DCAF5: variants seen among roughly 807,000 people sequenced by gnomAD.
The protein encoded by DCAF5 is DDB1- and CUL4-associated factor 5.
DCAF5 carries 9 observed loss-of-function variants against 80.7 expected under a neutral mutation model. The observed-to-expected ratio is 0.11, with a 90% CI of 0.07 to 0.19. The LOEUF (loss-of-function observed/expected upper bound fraction) is 0.19. DCAF5 is among the 10% of genes least tolerant of loss of function. The probability of loss-of-function intolerance (pLI) is 1.00; values close to 1 mark genes in which losing one functional copy is unlikely to be tolerated. For missense variants in DCAF5, 842 were observed against 1,205.7 expected, an observed-to-expected ratio of 0.70 and a Z score of 4.47; for synonymous variants, 433 against 461.9, an observed-to-expected ratio of 0.94 and a Z score of 0.80.
chr14:69,119,049 A>T, intron 3 of DCAF5, 145 bp downstream of exon 3: 1 of 711,550 alleles, frequency 1.4e-6, no homozygotes, highest in Non-Finnish European at 2.2e-6. Flanking sequence ...ATTTCAAACT[A>T]TTGTAGGAAT....
intron 8 of DCAF5, among the ~76,000 whole-genome samples, chr14:69,062,031 A>G (rs2038234447): frequency 6.6e-6 from 1 of 152,232 alleles, no homozygotes; most frequent in African/African-American, 2.4e-5. Flanking sequence ...TTCTGAAAAG[A>G]GCATTTTAAA....
intron 8 of DCAF5, among the ~76,000 whole-genome samples, chr14:69,059,128 C>A (rs1228536572): frequency 1.3e-5 from 2 of 152,068 alleles, no homozygotes; most frequent in African/African-American, 4.8e-5. Context: ...ACTCTGTCAC[C>A]CATGCTGGAG....
chr14:69,150,212 G>A (rs1566795931), intron 1 of DCAF5, among the ~76,000 whole-genome samples: 1 of 152,104 alleles, frequency 6.6e-6, no homozygotes. Flanking sequence ...TAGATAAAAA[G>A]GAAACAGGAA....
chr14:69,072,772 T>G (rs1187911030), intron 7 of DCAF5, among the ~76,000 whole-genome samples: 2 of 152,004 alleles, frequency 1.3e-5, no homozygotes, highest in Non-Finnish European at 2.9e-5. Flanking sequence ...CAGAGCAAGA[T>G]GATGATCAAA....
rs534668660 is a variant in DCAF5, at chr14:69,152,009, C to G, written c.214+756G>C. 6.6e-6 allele frequency among the ~76,000 whole-genome samples: 1 copy of G among 152,320 alleles called. No homozygotes were observed. The highest frequency in any genetic ancestry group is 2.4e-5 in the African/African-American group (1 of 41,572). ...GTGCGGGGCGCCGGGCTCCCGCCAA[C>G]AAGTCTCCCGGGGGTCCCCCACCCT... On this transcript the variant is annotated intron_variant, in intron 1 of 8. Coordinates refer to ENST00000341516, the MANE Select transcript of DCAF5 (RefSeq NM_003861.3). The surrounding 1 kb of genome is among the most constrained non-coding windows in gnomAD (Gnocchi z 4.1).
intron 7 of DCAF5, among the ~76,000 whole-genome samples, chr14:69,071,047 C>T (rs960623423): frequency 1.3e-5 from 2 of 152,180 alleles, no homozygotes; most frequent in African/African-American, 2.4e-5. Context: ...ATCTGCCCCC[C>T]TCAGCCTCCC....
chr14:69,091,794 T>C lies in DCAF5; in HGVS notation c.759A>G (p.Arg253=), dbSNP rs2039540999. The change falls in exon 6 of 9, where the codon CGA becomes CGG. Residue 253 remains arginine, a synonymous_variant. Transcript: ENST00000341516. The part of the protein sequence containing the change: ...SNGTQLLALR[R]RLPPVLYDIH... ...TGTCATAGAGCACAGGGGGCAGGCG[T>C]CGCCTCAGGGCCAGGAGCTGGGTCC... 1 of 1,614,090 alleles carries C rather than the reference T, an allele frequency of 6.2e-7. No individual in the cohort carries two copies. Among genetic ancestry groups the C allele is most frequent in the South Asian group, 1.1e-5 (1 of 91,078 alleles).
At chr14:69,066,656 C>T (rs1323827569) in intron 7 of DCAF5, among the ~76,000 whole-genome samples, 3 of 152,170 alleles carry the variant, frequency 2.0e-5, no homozygotes, top group African/African-American at 7.2e-5. Flanking sequence ...GGGGAAAACA[C>T]CTTGCTCAAA....
At chr14:69,129,246 G>A (rs1373457688) in intron 1 of DCAF5, among the ~76,000 whole-genome samples, 1 of 152,136 alleles carries the variant, frequency 6.6e-6, no homozygotes, top group African/African-American at 2.4e-5. Flanking sequence ...CTGTGATGGG[G>A]CCTGCCTCTT....
At chr14:69,067,016 C>T (rs572798793) in intron 7 of DCAF5, among the ~76,000 whole-genome samples, 1 of 152,270 alleles carries the variant, frequency 6.6e-6, no homozygotes, top group Admixed American at 6.5e-5. Flanking sequence ...TACCACTTCC[C>T]GTCTTCCTCT....
intron 5 of DCAF5, among the ~76,000 whole-genome samples, chr14:69,112,628 C>CACACACACACACAT (rs2040412403): frequency 6.9e-6 from 1 of 144,776 alleles, no homozygotes; most frequent in African/African-American, 2.5e-5. Context: ...CACACACACA[C>CACACACACACACAT]AAATAACACA....
At chr14:69,084,892 C>G in intron 6 of DCAF5, 1 of 1,346,560 alleles carries the variant, frequency 7.4e-7, no homozygotes, top group African/African-American at 1.4e-5. Flanking sequence ...CTCCGGATGA[C>G]CCTAAGGAAT....
chr14:69,079,932 G>A (rs537235271), intron 6 of DCAF5, among the ~76,000 whole-genome samples: 20 of 152,234 alleles, frequency 1.3e-4, no homozygotes, highest in Admixed American at 3.9e-4. Flanking sequence ...GGGGGTTGGG[G>A]TGTTAGTTTC....
intron 4 of DCAF5, among the ~76,000 whole-genome samples, chr14:69,116,869 C>A (rs778877316): frequency 6.6e-6 from 1 of 152,098 alleles, no homozygotes; most frequent in Non-Finnish European, 1.5e-5. Context: ...GGTTATTATG[C>A]TTTTAATCCA....
Position 69,053,596 on chromosome 14 carries a change from C to A in DCAF5, c.*261G>T. The A allele has an allele frequency of 2.2e-6, 1 of 445,476 alleles. No individual in the cohort carries two copies. The highest frequency in any genetic ancestry group is 3.2e-5 in the South Asian group (1 of 31,546). The allele number at this position is 445,476 out of a possible 1,614,324, so 27.6% of individuals were successfully genotyped here. The stretch of plus-strand genomic sequence containing the variant: ...CTTCCACAGAGCCTTGCGCGGCACA[C>A]TACGCTCACGTCTCACTAGAAAGGA... On this transcript the variant is annotated 3_prime_UTR_variant, in exon 9 of 9. Transcript: ENST00000341516.
chr14:69,084,476 C>A, intron 6 of DCAF5: 1 of 800,216 alleles, frequency 1.2e-6, no homozygotes, highest in Non-Finnish European at 2.2e-6. Context: ...TTCTGCCACC[C>A]AAACTTGAAA....
chr14:69,109,282 T>A (rs551566983), intron 5 of DCAF5, among the ~76,000 whole-genome samples: 79 of 150,972 alleles, frequency 5.2e-4, no homozygotes, highest in African/African-American at 1.9e-3. Flanking sequence ...AGGCAGAGCT[T>A]GCAGTGAGTT....
chr14:69,053,739 T>G lies in DCAF5; in HGVS notation c.*118A>C, dbSNP rs773101970. 7.4e-5 allele frequency: 74 copies of G among 998,134 alleles called. No individual in the cohort carries two copies. The highest frequency in any genetic ancestry group is 9.9e-5 in the Non-Finnish European group (70 of 705,698). 61.8% of individuals were successfully genotyped at this position (998,134 alleles called of 1,614,324 possible). A position where few individuals can be genotyped will look rare whatever the true frequency, so the allele number is the denominator to read the frequency against. On this transcript the variant is annotated 3_prime_UTR_variant, in exon 9 of 9. Coordinates refer to ENST00000341516, the MANE Select transcript of DCAF5 (RefSeq NM_003861.3). Reference sequence around the variant, plus strand: ...AGGGAGCAGCATCAGACACAAAATTTCAGGCCCTGGTTTCATGTGCCTTTA... The same window carrying G: ...AGGGAGCAGCATCAGACACAAAATTGCAGGCCCTGGTTTCATGTGCCTTTA...
intron 7 of DCAF5, among the ~76,000 whole-genome samples, chr14:69,064,811 G>C (rs1168067491): frequency 6.6e-6 from 1 of 152,158 alleles, no homozygotes; most frequent in Non-Finnish European, 1.5e-5. Context: ...CCTAGAACCT[G>C]GGGTGCAATG....
Sources: gnomAD v4.1 joint callset for allele counts (sites outside exome capture counted in the v4.1 genomes callset) on GRCh38, gnomAD v4.1.1 for gene constraint, Gnocchi (gnomAD v3.1) non-coding constraint, MANE v1.5 for transcripts, NCBI Gene and HGNC (gene_info 2026-07-23, HGNC 2026-07-21) for gene names.